Variants in CTNNA2 observed in about 807,000 individuals in gnomAD.
CTNNA2 encodes the protein catenin alpha 2.
A neutral mutation model predicts 101.0 loss-of-function variants in CTNNA2; 42 were observed. The observed-to-expected ratio is 0.42, with a 90% CI of 0.32 to 0.54. The LOEUF is 0.54. Among genes scored for constraint, CTNNA2 ranks in the 20% least tolerant of loss-of-function variants. The pLI is 0.14. For missense variants in CTNNA2, 871 were observed against 1,223.1 expected (o/e 0.71, Z 4.29); for synonymous variants, 450 against 456.4 (o/e 0.99, Z 0.18).
chr2:79,829,412 C>G (rs1029269981), intron 3 of CTNNA2, among the ~76,000 whole-genome samples: 4 of 127,330 alleles, frequency 3.1e-5, no homozygotes, highest in African/African-American at 8.9e-5. Flanking sequence ...CACACACACA[C>G]ACAGACACAA....
intron 2 of CTNNA2, among the ~76,000 whole-genome samples, chr2:79,298,087 G>A (rs1168446302): frequency 6.6e-6 from 1 of 152,192 alleles, no homozygotes; most frequent in Admixed American, 6.5e-5. Flanking sequence ...ACCTGAGGCT[G>A]AGTGATTTAT....
At chr2:79,242,852 C>G (rs916311813) in intron 2 of CTNNA2, among the ~76,000 whole-genome samples, 2 of 151,700 alleles carry the variant, frequency 1.3e-5, no homozygotes, top group Non-Finnish European at 2.9e-5. Flanking sequence ...CCCGTGGCCT[C>G]AGCTACTCTG....
intron 9 of CTNNA2, among the ~76,000 whole-genome samples, chr2:80,445,975 G>A (rs1683039529): frequency 3.3e-5 from 5 of 152,136 alleles, no homozygotes; most frequent in Admixed American, 3.3e-4. Flanking sequence ...GTAAAATGGG[G>A]AGTATTGTCA....
chr2:79,277,231 T>C (rs1675236131), intron 2 of CTNNA2, among the ~76,000 whole-genome samples: 2 of 152,146 alleles, frequency 1.3e-5, no homozygotes, highest in African/African-American at 2.4e-5. Context: ...AAGGAAATTG[T>C]ATGTAGTGGA....
At chr2:79,369,419 T>C (rs1677820280) in intron 3 of CTNNA2, among the ~76,000 whole-genome samples, 1 of 152,102 alleles carries the variant, frequency 6.6e-6, no homozygotes, top group African/African-American at 2.4e-5. Context: ...CGCCGGGAGA[T>C]TGTCTGTTCC....
intron 3 of CTNNA2, among the ~76,000 whole-genome samples, chr2:79,747,929 A>G (rs1227407882): frequency 1.3e-5 from 2 of 152,232 alleles, no homozygotes; most frequent in Admixed American, 1.3e-4. Context: ...GCATTACTAT[A>G]GTATGCAAAA....
intron 2 of CTNNA2, among the ~76,000 whole-genome samples, chr2:79,211,446 T>A (rs1674171821): frequency 6.6e-6 from 1 of 151,680 alleles, no homozygotes; most frequent in African/African-American, 2.4e-5. Flanking sequence ...GAAAAGAGAG[T>A]CAGTGAAGGG....
intron 7 of CTNNA2, among the ~76,000 whole-genome samples, chr2:80,055,879 G>A (rs1023284872): frequency 3.9e-5 from 6 of 152,158 alleles, no homozygotes; most frequent in Non-Finnish European, 7.3e-5. Context: ...CCCAGGATAC[G>A]TGCAAAACCA....
chr2:79,203,864 T>A (rs954574875), intron 2 of CTNNA2, among the ~76,000 whole-genome samples: 2 of 152,176 alleles, frequency 1.3e-5, no homozygotes, highest in African/African-American at 4.8e-5. Context: ...CATTTGTTCT[T>A]CCCTGTCTCA....
intron 4 of CTNNA2, among the ~76,000 whole-genome samples, chr2:79,494,730 T>C (rs1184995202): frequency 6.6e-6 from 1 of 152,182 alleles, no homozygotes; most frequent in East Asian, 1.9e-4. Flanking sequence ...TAAATCTTTG[T>C]GACCTTGGAT....
intron 9 of CTNNA2, among the ~76,000 whole-genome samples, chr2:80,452,524 C>T (rs1045676463): frequency 1.3e-5 from 2 of 151,478 alleles, no homozygotes; most frequent in Non-Finnish European, 2.9e-5. Context: ...GGGAGAGGTC[C>T]TCTGGGCAGC....
intron 3 of CTNNA2, among the ~76,000 whole-genome samples, chr2:79,781,102 T>A (rs981006468): frequency 1.3e-5 from 2 of 152,166 alleles, no homozygotes; most frequent in African/African-American, 2.4e-5. Flanking sequence ...ACGGAGCCAG[T>A]CCTGAGGGCT....
intron 2 of CTNNA2, among the ~76,000 whole-genome samples, chr2:79,233,898 A>G (rs111945323): frequency 3.3e-5 from 5 of 151,298 alleles, no homozygotes; most frequent in Admixed American, 2.0e-4. Context: ...TGCTTGGTAG[A>G]TTATTCTCCG....
chr2:79,764,952 T>C (rs1156880760), intron 3 of CTNNA2, among the ~76,000 whole-genome samples: 1 of 152,128 alleles, frequency 6.6e-6, no homozygotes, highest in Non-Finnish European at 1.5e-5. Context: ...TGCTTGGAAT[T>C]CAGTATGCAT....
At chr2:79,545,307 C>G (rs922517605) in intron 1 of CTNNA2, among the ~76,000 whole-genome samples, 1 of 152,212 alleles carries the variant, frequency 6.6e-6, no homozygotes, top group Non-Finnish European at 1.5e-5. Context: ...TCCTTCCCCA[C>G]TCCCTGTCCA....
chr2:80,300,875 T>C (rs555199896), intron 7 of CTNNA2, among the ~76,000 whole-genome samples: 7 of 150,542 alleles, frequency 4.6e-5, no homozygotes, highest in African/African-American at 1.2e-4. Flanking sequence ...TTTAGTTCAA[T>C]AGAAACTGAA....
chr2:79,251,369 C>T (rs1442578533), intron 2 of CTNNA2, among the ~76,000 whole-genome samples: 2 of 152,162 alleles, frequency 1.3e-5, no homozygotes, highest in Non-Finnish European at 2.9e-5. Context: ...GCAGAGCCCT[C>T]AGAGGACCAC....
At chr2:79,484,543 A>T (rs1671140163) in intron 4 of CTNNA2, among the ~76,000 whole-genome samples, 2 of 152,184 alleles carry the variant, frequency 1.3e-5, no homozygotes, top group Admixed American at 1.3e-4. Flanking sequence ...TCTGGTTTCA[A>T]CATGGTTGGT....
chr2:80,176,283 T>C (rs1442755348), intron 7 of CTNNA2, among the ~76,000 whole-genome samples: 4 of 152,204 alleles, frequency 2.6e-5, no homozygotes, highest in Non-Finnish European at 5.9e-5. Context: ...ACCCAAATGC[T>C]ATTAGATAAA....
Sources: gnomAD v4.1 joint callset for allele counts (sites outside exome capture counted in the v4.1 genomes callset) on GRCh38, gnomAD v4.1.1 for gene constraint, MANE v1.5 for transcripts, NCBI Gene and HGNC (gene_info 2026-07-23, HGNC 2026-07-21) for gene names.